ABCF1: variants seen among roughly 807,000 people sequenced by gnomAD.
The protein encoded by ABCF1 is ATP binding cassette subfamily F member 1.
Under a neutral mutation model 126.3 loss-of-function variants are expected in ABCF1, and 73 were observed. The ratio of observed to expected loss-of-function variants is 0.58; its 90% CI spans 0.48 to 0.70. The LOEUF is 0.70. Among genes scored for constraint, ABCF1 ranks in the 30% least tolerant of loss-of-function variants. The pLI is 0.00. For missense variants in ABCF1, 786 were observed against 1,057.5 expected (o/e 0.74, Z 3.56); for synonymous variants, 345 against 396.4 (o/e 0.87, Z 1.54).
chr6:30,586,320 C>G lies in ABCF1; in HGVS notation c.1885+15C>G, dbSNP rs1229807809. 2 of 1,601,476 alleles carry G rather than the reference C, an allele frequency of 1.2e-6. No homozygotes were observed. On this transcript the variant is annotated intron_variant, in intron 18 of 24. Coordinates refer to ENST00000326195, the MANE Select transcript of ABCF1 (RefSeq NM_001025091.2). The surrounding 1 kb of genome is among the most constrained non-coding windows in gnomAD (Gnocchi z 4.9). ...GGGTCTGCATGGTGAGTGCCGCGGG[C>G]CTCTGCTGCTCCACAGGAAGCACCG...
chr6:30,587,349 T>G (rs770225626), intron 20 of ABCF1, among the ~76,000 whole-genome samples: 2 of 151,838 alleles, frequency 1.3e-5, no homozygotes, highest in Non-Finnish European at 2.9e-5. Flanking sequence ...GCTTAGGAGT[T>G]AAAAACCAGC....
At chr6:30,572,332 TC>T (rs1801295104) in intron 1 of ABCF1, among the ~76,000 whole-genome samples, 1 of 152,098 alleles carries the variant, frequency 6.6e-6, no homozygotes, top group Non-Finnish European at 1.5e-5. Flanking sequence ...GATAAGACTT[TC>T]CCTCAAGGGA....
intron 15 of ABCF1, 107 bp downstream of exon 15, chr6:30,585,450 T>G (rs748395824): frequency 5.2e-5 from 82 of 1,579,406 alleles, no homozygotes; most frequent in Non-Finnish European, 6.8e-5. Flanking sequence ...TGAGTGGAGC[T>G]CTATTCAGAC....
At chr6:30,575,411 A>G (rs1421368671) in intron 1 of ABCF1, among the ~76,000 whole-genome samples, 3 of 151,684 alleles carry the variant, frequency 2.0e-5, no homozygotes, top group Non-Finnish European at 4.4e-5. Flanking sequence ...GCTTAAGGGT[A>G]GAATTAGATA....
intron 8 of ABCF1, among the ~76,000 whole-genome samples, chr6:30,582,181 C>A (rs1458766764): frequency 6.6e-6 from 1 of 151,972 alleles, no homozygotes; most frequent in African/African-American, 2.4e-5. Flanking sequence ...CTCAGCCTCC[C>A]GAGTAGCTGG....
Position 30,584,308 on chromosome 6 carries a change from A to G in ABCF1, c.1219A>G (p.Thr407Ala). 1 of 1,613,064 alleles carries G rather than the reference A, an allele frequency of 6.2e-7. No individual in the cohort carries two copies. Among genetic ancestry groups the G allele is most frequent in the Non-Finnish European group, 8.5e-7 (1 of 1,180,018 alleles). ...GGGACAGCTGGAACAAGGGGATGAC[A>G]CAGCTGCTGAGAGGCTAGAGAAGGT... Reference protein sequence around the residue: ...LQGQLEQGDDTAAERLEKVYE... With the variant: ...LQGQLEQGDDAAAERLEKVYE... Residue 407 changes from threonine to alanine, a missense_variant, in exon 13 of 25, where the codon ACA becomes GCA. Around this residue, in one of 4 missense-constraint regions of ABCF1, gnomAD observed 163 missense variants for 255.3 expected, o/e 0.64. Coordinates refer to ENST00000326195, the MANE Select transcript of ABCF1 (RefSeq NM_001025091.2). The surrounding 1 kb of genome is among the most constrained non-coding windows in gnomAD (Gnocchi z 4.6).
intron 1 of ABCF1, among the ~76,000 whole-genome samples, chr6:30,573,598 T>C (rs895273802): frequency 6.6e-6 from 1 of 151,876 alleles, no homozygotes; most frequent in Non-Finnish European, 1.5e-5. Flanking sequence ...GAGATGAGAC[T>C]GAGAAAGGCA....
intron 20 of ABCF1, among the ~76,000 whole-genome samples, chr6:30,587,752 G>C (rs1008280899): frequency 3.3e-5 from 5 of 151,872 alleles, no homozygotes; most frequent in African/African-American, 1.2e-4. Flanking sequence ...GGGAGGCTGA[G>C]GTAGGAGAAT....
At chr6:30,576,305 T>G (rs1801497591) in intron 1 of ABCF1, among the ~76,000 whole-genome samples, 1 of 140,852 alleles carries the variant, frequency 7.1e-6, no homozygotes, top group Non-Finnish European at 1.5e-5. Context: ...TTTTTTTTTT[T>G]GAGATAGAGT....
At position 30,582,479 on chromosome 6, in the gene ABCF1, A is replaced by G; in HGVS notation, c.764A>G (p.Lys255Arg). 1 of 1,613,058 alleles carries G rather than the reference A, an allele frequency of 6.2e-7. No individual in the cohort carries two copies. Among genetic ancestry groups the G allele is most frequent in the Non-Finnish European group, 8.5e-7 (1 of 1,180,028 alleles). Reference sequence around the variant, plus strand: ...GATGATCCCTATGCTCATCTTAGCAAAAAGGAGAAGAAAAAGCTGAAAAAA... The same window carrying G: ...GATGATCCCTATGCTCATCTTAGCAGAAAGGAGAAGAAAAAGCTGAAAAAA... ...KADDPYAHLS[K>R]KEKKKLKKQM... The change falls in exon 9 of 25, where the codon AAA becomes AGA. Residue 255 changes from lysine to arginine, a missense_variant. This residue lies in a region of ABCF1 where 322 missense variants were observed against 322.9 expected (regional missense o/e 1.00). Transcript: ENST00000326195.
intron 1 of ABCF1, among the ~76,000 whole-genome samples, chr6:30,573,379 C>T (rs1260860610): frequency 6.6e-6 from 1 of 152,142 alleles, no homozygotes; most frequent in African/African-American, 2.4e-5. Context: ...CTGAGGATTT[C>T]TAAAAGGAAA....
intron 23 of ABCF1, 26 bp downstream of exon 23, chr6:30,590,239 G>A: frequency 6.2e-7 from 1 of 1,613,084 alleles, no homozygotes. Flanking sequence ...TGTGGGAAAA[G>A]GGATAAGGGT....
At chr6:30,587,086 TCTA>T (rs1462971309) in intron 20 of ABCF1, among the ~76,000 whole-genome samples, 1 of 152,116 alleles carries the variant, frequency 6.6e-6, no homozygotes, top group Non-Finnish European at 1.5e-5. Context: ...GAACCCCGCC[TCTA>T]CTAAAAATAC....
Position 30,590,643 on chromosome 6 carries a change from A to G in ABCF1, c.2480A>G (p.Tyr827Cys), listed in dbSNP as rs769723562. 2.5e-6 allele frequency: 4 copies of G among 1,612,902 alleles called. No individual in the cohort carries two copies. Among genetic ancestry groups the G allele is most frequent in the Non-Finnish European group, 3.4e-6 (4 of 1,180,004 alleles). The change falls in exon 25 of 25, where the codon TAC becomes TGC. Residue 827 changes from tyrosine to cysteine, a missense_variant. Physicochemically the swap from Tyr to Cys is radical, Grantham distance 194. This residue lies in a region of ABCF1 where 288 missense variants were observed against 423.5 expected (regional missense o/e 0.68). Transcript: ENST00000326195. ...VSQIDGDFED[Y>C]KREVLEALGE... Reference sequence around the variant, plus strand: ...CAAATCGATGGTGACTTTGAAGACTACAAGCGGGAGGTGTTGGAGGCCCTG... The same window carrying G: ...CAAATCGATGGTGACTTTGAAGACTGCAAGCGGGAGGTGTTGGAGGCCCTG...
At chr6:30,585,211 G>T (rs1229229170) in intron 14 of ABCF1, 49 bp from the exon 15 acceptor site, 1 of 1,532,718 alleles carries the variant, frequency 6.5e-7, no homozygotes, top group Non-Finnish European at 9.0e-7. Context: ...GGTTGTCTGA[G>T]CAAGGATCTT....
Position 30,583,149 on chromosome 6 carries a change from C to A in ABCF1, c.876C>A (p.Ser292=). 1.2e-6 allele frequency: 2 copies of A among 1,611,168 alleles called. No individual in the cohort carries two copies. Among genetic ancestry groups the A allele is most frequent in the Non-Finnish European group, 1.7e-6 (2 of 1,178,414 alleles). ...NDFSVSQAEM[S]SRQAMLENAS... ...TCTCCGTGTCCCAGGCGGAGATGTC[C>A]TCCCGCCAAGCCATGTTAGAAAATG... Residue 292 remains serine, a synonymous_variant, in exon 10 of 25, where the codon TCC becomes TCA. Transcript: ENST00000326195. The surrounding 1 kb of genome is among the most constrained non-coding windows in gnomAD (Gnocchi z 4.1).
At position 30,586,796 on chromosome 6, in the gene ABCF1, C is replaced by T; in HGVS notation, c.2031+85C>T. 2.8e-6 allele frequency: 4 copies of T among 1,435,234 alleles called. No homozygotes were observed. The highest frequency in any genetic ancestry group is 2.3e-5 in the South Asian group (2 of 85,274). The allele number at this position is 1,435,234 out of a possible 1,614,324, so 88.9% of individuals were successfully genotyped here. On this transcript the variant is annotated intron_variant, in intron 20 of 24. Coordinates refer to ENST00000326195, the MANE Select transcript of ABCF1 (RefSeq NM_001025091.2). This position sits in a 1 kb window ranked among gnomAD's most constrained non-coding sequence, Gnocchi z 4.9. ...CAGAAGCTGGAATCAGGGAGCCTCT[C>T]GAGAATGTAGAGTTAAATACAGAAC... is the stretch of plus-strand genomic sequence containing the variant.
At chr6:30,577,605 TC>T in intron 2 of ABCF1, 150 bp downstream of exon 2, 1 of 1,084,898 alleles carries the variant, frequency 9.2e-7, no homozygotes, top group Non-Finnish European at 1.3e-6. Context: ...ACACCTGTAA[TC>T]CCAGCGCTTA....
At chr6:30,578,228 A>G in intron 4 of ABCF1, 26 bp downstream of exon 4, 2 of 1,613,692 alleles carry the variant, frequency 1.2e-6, no homozygotes, top group South Asian at 1.1e-5. Context: ...GGGAATGGGT[A>G]CCTGGAATCC....
Sources: gnomAD v4.1 joint callset for allele counts (sites outside exome capture counted in the v4.1 genomes callset) on GRCh38, gnomAD v4.1.1 for gene constraint, gnomAD v4.1.1 regional missense constraint, Gnocchi (gnomAD v3.1) non-coding constraint, MANE v1.5 for transcripts, NCBI Gene and HGNC (gene_info 2026-07-23, HGNC 2026-07-21) for gene names.